OR14I1: variants seen among roughly 807,000 people sequenced by gnomAD.
The protein encoded by OR14I1 is olfactory receptor 14I1.
For synonymous variants in OR14I1, 118 were observed against 71.1 expected (o/e 1.66, Z -3.32); for missense variants, 279 against 181.8 (o/e 1.53, Z -3.07).
chr1:248,698,919 C>A, the OR14I1 span: 1 of 152,142 alleles, frequency 6.6e-6, no homozygotes, highest in African/African-American at 2.4e-5. Context: ...TGCAAAGAGA[C>A]GATAACTTCT....
At chr1:248,681,509 A>G (rs199547385) in exon 1 of OR14I1, 1 of 781,062 alleles carries the variant, frequency 1.3e-6, no homozygotes, top group African/African-American at 1.7e-5. Context: ...TCCTGAATGG[A>G]CAGAGCTTTT....
chr1:248,678,789 A>G (rs1437176417), downstream of OR14I1, among the ~76,000 whole-genome samples: 1 of 152,192 alleles, frequency 6.6e-6, no homozygotes, highest in African/African-American at 2.4e-5. Flanking sequence ...TAAAGCATAA[A>G]TACACAAAGG....
At chr1:248,683,052 A>G (rs1052155239), upstream of OR14I1, among the ~76,000 whole-genome samples, 1 of 152,198 alleles carries the variant, frequency 6.6e-6, no homozygotes, top group Non-Finnish European at 1.5e-5. Context: ...TTGTACAATA[A>G]ATTAAAATAT....
At chr1:248,695,359 G>A in the OR14I1 span, among the ~76,000 whole-genome samples, 30 of 149,696 alleles carry the variant, frequency 2.0e-4, no homozygotes, top group African/African-American at 3.2e-4. Flanking sequence ...TCAGCCTCCC[G>A]AGTAGCTGGG....
downstream of OR14I1, among the ~76,000 whole-genome samples, chr1:248,678,769 C>T (rs1399585609): frequency 6.6e-6 from 1 of 151,692 alleles, no homozygotes; most frequent in East Asian, 1.9e-4. Context: ...TCTGAAGGAA[C>T]TATTATATTT....
chr1:248,698,256 A>G, the OR14I1 span, among the ~76,000 whole-genome samples: 62 of 152,378 alleles, frequency 4.1e-4, no homozygotes, highest in African/African-American at 1.2e-3. Context: ...CTCGATTGCT[A>G]TTGACACTGC....
At chr1:248,699,784 A>G in the OR14I1 span, among the ~76,000 whole-genome samples, 1 of 152,108 alleles carries the variant, frequency 6.6e-6, no homozygotes, top group Non-Finnish European at 1.5e-5. Flanking sequence ...TTTGAGACAG[A>G]GTCTCGCTCT....
downstream of OR14I1, among the ~76,000 whole-genome samples, chr1:248,680,565 G>A (rs530974310): frequency 6.6e-6 from 1 of 152,308 alleles, no homozygotes; most frequent in East Asian, 1.9e-4. Flanking sequence ...AGGGACTCAC[G>A]CTCAGGTGTT....
At chr1:248,696,793 T>G in the OR14I1 span, among the ~76,000 whole-genome samples, 14 of 152,192 alleles carry the variant, frequency 9.2e-5, no homozygotes, top group Non-Finnish European at 1.9e-4. Flanking sequence ...TATTTTTTTC[T>G]TCTTTGTTTT....
chr1:248,698,319 A>T, the OR14I1 span, among the ~76,000 whole-genome samples: 6 of 152,252 alleles, frequency 3.9e-5, no homozygotes, highest in Non-Finnish European at 7.3e-5. Context: ...CATGTGAAAG[A>T]ATATGTCTGA....
At chr1:248,696,196 C>T in the OR14I1 span, among the ~76,000 whole-genome samples, 1 of 152,202 alleles carries the variant, frequency 6.6e-6, no homozygotes, top group Non-Finnish European at 1.5e-5. Flanking sequence ...CTACTCATCC[C>T]ATAGGGGCTA....
the OR14I1 span, among the ~76,000 whole-genome samples, chr1:248,698,010 T>C: frequency 2.0e-5 from 3 of 152,208 alleles, no homozygotes; most frequent in Admixed American, 6.5e-5. Flanking sequence ...GGAGTGATAG[T>C]GTGGAATAGC....
At chr1:248,688,545 G>T in the OR14I1 span, among the ~76,000 whole-genome samples, 6 of 152,182 alleles carry the variant, frequency 3.9e-5, no homozygotes, top group African/African-American at 1.4e-4. Context: ...CTGAAGACTA[G>T]AACAAATATT....
the OR14I1 span, among the ~76,000 whole-genome samples, chr1:248,688,399 A>G: frequency 6.6e-6 from 1 of 152,260 alleles, no homozygotes; most frequent in South Asian, 2.1e-4. Flanking sequence ...TTTCTCTTAC[A>G]AAGAGTCCTC....
chr1:248,684,753 C>CATATAT (rs5782531), upstream of OR14I1, among the ~76,000 whole-genome samples: 46 of 148,330 alleles, frequency 3.1e-4, no homozygotes, highest in African/African-American at 1.1e-3. Context: ...AATACACACA[C>CATATAT]ATACATATAT....
chr1:248,697,039 G>T, the OR14I1 span: 2 of 152,230 alleles, frequency 1.3e-5, no homozygotes, highest in South Asian at 2.1e-4. Context: ...AGTCTCCTGG[G>T]AGATTAAGAT....
chr1:248,688,925 C>A, the OR14I1 span, among the ~76,000 whole-genome samples: 1 of 152,038 alleles, frequency 6.6e-6, no homozygotes, highest in African/African-American at 2.4e-5. Context: ...CATTTTTTTT[C>A]TCTGGGGGAT....
chr1:248,696,963 C>T, the OR14I1 span: 20,693 of 152,052 alleles, frequency 0.14, 1,473 homozygotes, highest in African/African-American at 0.17. Context: ...AGCGGCTGTT[C>T]TATGAGAATG....
At chr1:248,682,595 C>G (rs1406452198), upstream of OR14I1, among the ~76,000 whole-genome samples, 2 of 152,100 alleles carry the variant, frequency 1.3e-5, no homozygotes. Context: ...TAAGATTTTT[C>G]TCATCAAATA....
Sources: allele counts gnomAD v4.1 joint callset (sites outside exome capture counted in the v4.1 genomes callset), GRCh38; gene constraint gnomAD v4.1.1; transcripts MANE v1.5; gene names NCBI Gene and HGNC (gene_info 2026-07-23, HGNC 2026-07-21).